The following FHIT variants were observed in gnomAD, a reference collection of about 807,000 sequenced individuals.
The protein encoded by FHIT is bis(5'-adenosyl)-triphosphatase.
Under a neutral mutation model 17.9 loss-of-function variants are expected in FHIT, and 19 were observed. The observed-to-expected ratio is 1.06, with a 90% CI of 0.74 to 1.56. FHIT has a LOEUF of 1.56. FHIT is among the 40% of genes most tolerant of loss of function. The probability of loss-of-function intolerance (pLI) is 0.00; values close to 1 mark genes in which losing one functional copy is unlikely to be tolerated. For missense variants in FHIT, 248 were observed against 189.2 expected, an observed-to-expected ratio of 1.31 and a Z score of -1.82; for synonymous variants, 81 against 69.7, an observed-to-expected ratio of 1.16 and a Z score of -0.81.
At chr3:60,219,121 C>G (rs1460196936) in intron 5 of FHIT, among the ~76,000 whole-genome samples, 1 of 152,110 alleles carries the variant, frequency 6.6e-6, no homozygotes, top group Non-Finnish European at 1.5e-5. Flanking sequence ...CCACATTACT[C>G]TCATTTTGTT....
At chr3:59,913,203 T>C (rs1309700909) in intron 8 of FHIT, among the ~76,000 whole-genome samples, 3 of 152,008 alleles carry the variant, frequency 2.0e-5, no homozygotes, top group African/African-American at 2.4e-5. Flanking sequence ...GTGTTGTGTG[T>C]CGTGTGTGGG....
At chr3:60,399,186 C>T (rs768266629) in intron 5 of FHIT, among the ~76,000 whole-genome samples, 8 of 152,150 alleles carry the variant, frequency 5.3e-5, no homozygotes, top group Non-Finnish European at 4.4e-5. Context: ...AAAGTTTCCT[C>T]TTATCATCAT....
intron 5 of FHIT, among the ~76,000 whole-genome samples, chr3:60,368,194 T>A (rs202057746): frequency 0.033 from 3,990 of 122,368 alleles, 190 homozygotes; most frequent in African/African-American, 0.13. Context: ...ACATATCTTT[T>A]TAAAAAAAAA....
intron 2 of FHIT, among the ~76,000 whole-genome samples, chr3:61,187,406 T>A (rs959046623): frequency 2.6e-5 from 4 of 152,150 alleles, no homozygotes; most frequent in African/African-American, 9.6e-5. Context: ...ATGCACCCAA[T>A]ACAGGAGCAC....
At chr3:60,188,044 A>G (rs533471830) in intron 5 of FHIT, among the ~76,000 whole-genome samples, 4 of 152,218 alleles carry the variant, frequency 2.6e-5, no homozygotes, top group African/African-American at 9.6e-5. Context: ...CCTGTATTAC[A>G]CAGAGCATCA....
intron 4 of FHIT, among the ~76,000 whole-genome samples, chr3:60,561,213 T>A (rs1323915197): frequency 6.6e-6 from 1 of 151,772 alleles, no homozygotes; most frequent in Admixed American, 6.6e-5. Context: ...AAATTACCAA[T>A]CAGATAGACG....
At chr3:60,230,376 A>C (rs1339730023) in intron 5 of FHIT, among the ~76,000 whole-genome samples, 1 of 152,222 alleles carries the variant, frequency 6.6e-6, no homozygotes, top group African/African-American at 2.4e-5. Context: ...TGGAACTACT[A>C]TAAATGCTCA....
intron 5 of FHIT, among the ~76,000 whole-genome samples, chr3:60,417,535 T>C (rs758008627): frequency 6.6e-6 from 1 of 152,144 alleles, no homozygotes; most frequent in African/African-American, 2.4e-5. Context: ...GAAAATATAA[T>C]AGAAAAACTC....
intron 4 of FHIT, among the ~76,000 whole-genome samples, chr3:60,580,265 G>A (rs1218711218): frequency 3.3e-5 from 5 of 152,072 alleles, no homozygotes; most frequent in African/African-American, 9.7e-5. Context: ...CAGTGGTCAC[G>A]TTAATGACAA....
intron 5 of FHIT, among the ~76,000 whole-genome samples, chr3:60,068,378 C>G (rs144115757): frequency 8.5e-5 from 13 of 152,328 alleles, no homozygotes; most frequent in African/African-American, 2.9e-4. Context: ...CTTGACTCTG[C>G]ATCTTAAGTT....
At chr3:60,384,030 G>T (rs1559871424) in intron 5 of FHIT, among the ~76,000 whole-genome samples, 1 of 152,126 alleles carries the variant, frequency 6.6e-6, no homozygotes, top group Non-Finnish European at 1.5e-5. Context: ...AGCACTTTGG[G>T]AGGCCGAGGT....
chr3:60,928,104 A>G (rs1707747962), intron 3 of FHIT, among the ~76,000 whole-genome samples: 1 of 152,112 alleles, frequency 6.6e-6, no homozygotes, highest in Admixed American at 6.5e-5. Context: ...AGATGCTTGA[A>G]GGCAGTATGC....
rs76990307 is a variant in FHIT at position 60,917,945 on chromosome 3, G to A, written c.-110-95934C>T. Among the ~76,000 whole-genome samples, 21 of 152,244 alleles carry A rather than the reference G, an allele frequency of 1.4e-4. No individual in the cohort carries two copies. The South Asian group carries it at 4.1e-3, about 30-fold the overall frequency. ...GACTGTGAACTACACCCATTGATAT[G>A]GTTTGGTTGTGTGCCCACCTAAATC... is the stretch of plus-strand genomic sequence containing the variant. On this transcript the variant is annotated intron_variant, in intron 3 of 9. Transcript: ENST00000492590.
At chr3:59,878,949 G>A (rs866880089) in intron 8 of FHIT, among the ~76,000 whole-genome samples, 1 of 151,896 alleles carries the variant, frequency 6.6e-6, no homozygotes, top group Middle Eastern at 3.4e-3. Flanking sequence ...CATTCTGACT[G>A]TAAACCCTTT....
rs1397752952 is a variant in FHIT, at chr3:60,860,619, A to G, written c.-110-38608T>C. 1.9e-4 allele frequency among the ~76,000 whole-genome samples: 9 copies of G among 46,546 alleles called. No homozygotes were observed. In the South Asian group the frequency reaches 2.0e-3, roughly 11 times the overall value. 30.5% of individuals were successfully genotyped at this position (46,546 alleles called of 152,430 possible). On this transcript the variant is annotated intron_variant, in intron 3 of 9. Transcript: ENST00000492590. ...TCAGGTATATATGATACATATGTAC[A>G]TATATATCAGGTATATATGATACAT...
intron 4 of FHIT, among the ~76,000 whole-genome samples, chr3:60,661,270 T>C (rs552711421): frequency 7.6e-4 from 116 of 152,276 alleles, no homozygotes; most frequent in African/African-American, 2.5e-3. Flanking sequence ...TCCTCATAGC[T>C]TAGCTCCCAC....
At chr3:60,083,603 T>C (rs755423956) in intron 5 of FHIT, among the ~76,000 whole-genome samples, 2 of 152,170 alleles carry the variant, frequency 1.3e-5, no homozygotes, top group Admixed American at 6.5e-5. Flanking sequence ...GTCTTTGATA[T>C]TGGGTCCTGA....
At chr3:60,860,533 CAGGTATATATGATACATATGTATCAT>C (rs1703691791) in intron 3 of FHIT, among the ~76,000 whole-genome samples, 1 of 27,986 alleles carries the variant, frequency 3.6e-5, no homozygotes, top group African/African-American at 7.8e-5. Context: ...TCATATATAT[CAGGTATATATGATACATATGTATCAT>C]ATATCAGGTA....
At chr3:59,929,363 GTTTTTTTTTT>G (rs869243844) in intron 7 of FHIT, among the ~76,000 whole-genome samples, 1 of 67,052 alleles carries the variant, frequency 1.5e-5, no homozygotes, top group African/African-American at 5.7e-5. Context: ...TGTTTTTTTG[GTTTTTTTTTT>G]TTTTTTTTTT....
Sources: allele counts gnomAD v4.1 joint callset (sites outside exome capture counted in the v4.1 genomes callset), GRCh38; gene constraint gnomAD v4.1.1; transcripts MANE v1.5; gene names NCBI Gene and HGNC (gene_info 2026-07-23, HGNC 2026-07-21).